ESR1: variants seen among roughly 807,000 people sequenced by gnomAD.
The protein encoded by ESR1 is estrogen receptor.
ESR1 carries 12 observed loss-of-function variants against 52.7 expected under a neutral mutation model. The ratio of observed to expected loss-of-function variants is 0.23; its 90% CI spans 0.15 to 0.37. The LOEUF is 0.37. Ranked by LOEUF, ESR1 falls within the 10% of genes least tolerant of loss-of-function variation. The pLI, the probability that ESR1 is intolerant of heterozygous loss-of-function variation, is 1.00. For missense variants in ESR1, 584 were observed against 779.7 expected (o/e 0.75, Z 2.99); for synonymous variants, 305 against 316.8 (o/e 0.96, Z 0.39).
intron 1 of ESR1, among the ~76,000 whole-genome samples, chr6:151,678,421 C>T (rs527345736): frequency 2.0e-5 from 3 of 151,494 alleles, no homozygotes; most frequent in South Asian, 2.1e-4. Flanking sequence ...TGCACTCAAC[C>T]GAGATTGTGC....
At chr6:151,875,441 A>G (rs150435701) in intron 2 of ESR1, among the ~76,000 whole-genome samples, 1 of 152,282 alleles carries the variant, frequency 6.6e-6, no homozygotes, top group African/African-American at 2.4e-5. Context: ...TATTGTTCAG[A>G]TATTGGATAC....
At chr6:151,898,497 T>C (rs1420144538) in intron 3 of ESR1, among the ~76,000 whole-genome samples, 1 of 151,588 alleles carries the variant, frequency 6.6e-6, no homozygotes, top group African/African-American at 2.4e-5. Flanking sequence ...GGTCAGCAGA[T>C]AAACAAGTGC....
rs867879958 is a variant in ESR1, at chr6:151,931,656, T to A, written c.761-12517T>A. On this transcript the variant is annotated intron_variant, in intron 3 of 7. Transcript: ENST00000206249. ...TGTGATATTCCCCTTCCTGTGTCCA[T>A]GTGATCTCATTGTTCAGTTCCCACC... Among the ~76,000 whole-genome samples the A allele has an allele frequency of 9.0e-4, 127 of 140,744 alleles. No homozygotes were observed. The Middle Eastern group carries it at 0.033, about 36-fold the overall frequency. The allele number at this position is 140,744 out of a possible 152,430, so 92.3% of individuals were successfully genotyped here.
intron 3 of ESR1, among the ~76,000 whole-genome samples, chr6:151,887,270 G>T (rs1794010978): frequency 6.6e-6 from 1 of 151,924 alleles, no homozygotes; most frequent in South Asian, 2.1e-4. Context: ...CTTTACCAAA[G>T]AGAGACTGGT....
At chr6:151,932,777 T>C (rs1418443858) in intron 3 of ESR1, among the ~76,000 whole-genome samples, 2 of 151,260 alleles carry the variant, frequency 1.3e-5, no homozygotes, top group African/African-American at 4.9e-5. Flanking sequence ...TATGCGGCGT[T>C]ATTTCTGAGG....
chr6:151,823,433 G>T (rs1048487441), intron 1 of ESR1, among the ~76,000 whole-genome samples: 15 of 152,070 alleles, frequency 9.9e-5, no homozygotes, highest in Admixed American at 2.0e-4. Context: ...AATTTTTTTT[G>T]AAATGACTAT....
chr6:152,045,380 A>T (rs751270713), intron 5 of ESR1, among the ~76,000 whole-genome samples: 1 of 152,226 alleles, frequency 6.6e-6, no homozygotes, highest in Non-Finnish European at 1.5e-5. Context: ...TGTGAGAATC[A>T]ACCAGGGCAT....
chr6:151,939,726 A>G, intron 3 of ESR1, among the ~76,000 whole-genome samples: 1 of 152,134 alleles, frequency 6.6e-6, no homozygotes, highest in Non-Finnish European at 1.5e-5. Flanking sequence ...TCATTGAACC[A>G]TACCCTTGGG....
At chr6:151,963,733 A>AT (rs566740145) in intron 4 of ESR1, among the ~76,000 whole-genome samples, 2 of 152,212 alleles carry the variant, frequency 1.3e-5, no homozygotes, top group Non-Finnish European at 2.9e-5. Flanking sequence ...TCAAGGTTGT[A>AT]TCCAAAGAAC....
At chr6:151,926,264 T>C (rs2032719622) in intron 3 of ESR1, among the ~76,000 whole-genome samples, 1 of 152,174 alleles carries the variant, frequency 6.6e-6, no homozygotes, top group Non-Finnish European at 1.5e-5. Flanking sequence ...TGAAATGAAA[T>C]AGTGCAAGTG....
intron 6 of ESR1, among the ~76,000 whole-genome samples, chr6:152,092,696 G>A (rs1442341732): frequency 2.0e-5 from 3 of 152,172 alleles, no homozygotes; most frequent in Non-Finnish European, 4.4e-5. Context: ...GCAAGGCGCT[G>A]TGATTAGGCA....
At chr6:152,031,370 A>G (rs9478266) in intron 5 of ESR1, among the ~76,000 whole-genome samples, 67,576 of 151,920 alleles carry the variant, frequency 0.44, 17,162 homozygotes, top group African/African-American at 0.69. Context: ...TGAAAAGATC[A>G]ATAAAACTGA....
At chr6:151,928,797 T>C (rs1332082770) in intron 3 of ESR1, among the ~76,000 whole-genome samples, 1 of 152,158 alleles carries the variant, frequency 6.6e-6, no homozygotes, top group Non-Finnish European at 1.5e-5. Flanking sequence ...ACCATTTATT[T>C]TGAGGCTTTT....
intron 2 of ESR1, among the ~76,000 whole-genome samples, chr6:151,739,572 C>T (rs1341742760): frequency 6.6e-6 from 1 of 152,236 alleles, no homozygotes; most frequent in African/African-American, 2.4e-5. Context: ...CTGTGTGTAA[C>T]AAACCTCAAG....
intron 2 of ESR1, among the ~76,000 whole-genome samples, chr6:151,857,834 G>A (rs1161821016): frequency 1.3e-5 from 2 of 152,102 alleles, no homozygotes; most frequent in African/African-American, 4.8e-5. Context: ...CAGTTGCAAT[G>A]GGTATAGACT....
chr6:151,672,891 C>T (rs1351239713), intron 1 of ESR1, among the ~76,000 whole-genome samples: 2 of 148,800 alleles, frequency 1.3e-5, no homozygotes, highest in African/African-American at 2.5e-5. Flanking sequence ...TCCAGTAGCA[C>T]GATCTCGGCT....
chr6:151,667,528 A>T (rs1311132267), intron 1 of ESR1, among the ~76,000 whole-genome samples: 5 of 152,204 alleles, frequency 3.3e-5, no homozygotes, highest in Non-Finnish European at 5.9e-5. Context: ...TTGTATCTAC[A>T]TGGCTTCCTG....
intron 2 of ESR1, among the ~76,000 whole-genome samples, chr6:151,799,229 C>T (rs1480382790): frequency 6.6e-6 from 1 of 152,186 alleles, no homozygotes; most frequent in Non-Finnish European, 1.5e-5. Context: ...ATTCCAGTTC[C>T]TCAAGCTGCA....
At chr6:151,919,219 T>C (rs1290128954) in intron 3 of ESR1, among the ~76,000 whole-genome samples, 1 of 152,204 alleles carries the variant, frequency 6.6e-6, no homozygotes, top group East Asian at 1.9e-4. Context: ...AATTGAATGG[T>C]CTTTGACATT....
Sources: gnomAD v4.1 joint callset for allele counts (sites outside exome capture counted in the v4.1 genomes callset) on GRCh38, gnomAD v4.1.1 for gene constraint, MANE v1.5 for transcripts, NCBI Gene and HGNC (gene_info 2026-07-23, HGNC 2026-07-21) for gene names.